Variants in MACROD2 observed in about 807,000 individuals in gnomAD.
The protein encoded by MACROD2 is mono-ADP ribosylhydrolase 2.
In MACROD2, 36 loss-of-function variants were observed where a neutral mutation model predicts 70.4. The observed-to-expected ratio is 0.51, with a 90% CI of 0.39 to 0.68. The LOEUF is 0.68. Among genes scored for constraint, MACROD2 ranks in the 30% least tolerant of loss-of-function variants. The pLI, the probability that MACROD2 is intolerant of heterozygous loss-of-function variation, is 0.00. For synonymous variants in MACROD2, 172 were observed against 178.8 expected (o/e 0.96, Z 0.30); for missense variants, 496 against 538.4 (o/e 0.92, Z 0.78).
At chr20:15,939,797 A>G (rs897901699) in intron 12 of MACROD2, among the ~76,000 whole-genome samples, 1 of 152,190 alleles carries the variant, frequency 6.6e-6, no homozygotes, top group Admixed American at 6.5e-5. Flanking sequence ...AGATGACATT[A>G]AGAATATTCC....
intron 5 of MACROD2, among the ~76,000 whole-genome samples, chr20:15,040,701 T>C (rs1227373614): frequency 6.6e-6 from 1 of 152,234 alleles, no homozygotes. Flanking sequence ...TATCGGAACA[T>C]TGTTCAGCAG....
At chr20:14,165,290 T>C (rs1601300558) in intron 3 of MACROD2, among the ~76,000 whole-genome samples, 1 of 152,134 alleles carries the variant, frequency 6.6e-6, no homozygotes, top group Non-Finnish European at 1.5e-5. Flanking sequence ...ATGACTAGGA[T>C]TGCAGGAGTT....
chr20:14,473,208 A>T (rs2084550516), intron 3 of MACROD2, among the ~76,000 whole-genome samples: 1 of 152,104 alleles, frequency 6.6e-6, no homozygotes, highest in Non-Finnish European at 1.5e-5. Flanking sequence ...ATTTATTGTT[A>T]ACTACAGTCA....
chr20:14,495,700 C>T (rs2084845677), intron 4 of MACROD2, among the ~76,000 whole-genome samples: 2 of 152,116 alleles, frequency 1.3e-5, no homozygotes, highest in South Asian at 4.1e-4. Context: ...TATGATTCCT[C>T]TCTTCTCTGT....
intron 5 of MACROD2, among the ~76,000 whole-genome samples, chr20:15,206,664 A>G (rs1195079954): frequency 2.0e-5 from 3 of 149,668 alleles, no homozygotes; most frequent in Non-Finnish European, 3.0e-5. Context: ...ATGGAACCAT[A>G]CACAATGTAC....
At chr20:15,126,438 T>C (rs2076067597) in intron 5 of MACROD2, among the ~76,000 whole-genome samples, 1 of 151,948 alleles carries the variant, frequency 6.6e-6, no homozygotes, top group African/African-American at 2.4e-5. Flanking sequence ...TGAACAACTT[T>C]TTAATAAATC....
chr20:15,198,765 C>T (rs977647733), intron 5 of MACROD2, among the ~76,000 whole-genome samples: 1 of 152,104 alleles, frequency 6.6e-6, no homozygotes, highest in Admixed American at 6.5e-5. Context: ...TTTACATTTA[C>T]AAAGTTATTT....
rs1449175178 is a variant in MACROD2, at chr20:15,777,654, C to CTCTTTT, written c.646-85090_646-85089insCTTTTT. ...CCTTCCTTCCTCTCTCTCTCTCTCT[C>CTCTTTT]TTTCTTTCGAGACAGAGTCTCACTC... On this transcript the variant is annotated intron_variant, in intron 8 of 17. Coordinates refer to ENST00000684519, the MANE Select transcript of MACROD2 (RefSeq NM_001351661.2). Among the ~76,000 whole-genome samples, 3 of 144,392 alleles carry CTCTTTT rather than the reference C, an allele frequency of 2.1e-5. No individual in the cohort carries two copies. The East Asian group carries it at 6.7e-4, about 32-fold the overall frequency. 94.7% of individuals were successfully genotyped at this position (144,392 alleles called of 152,430 possible).
chr20:14,826,716 G>A (rs771991366), intron 5 of MACROD2, among the ~76,000 whole-genome samples: 1 of 152,212 alleles, frequency 6.6e-6, no homozygotes, highest in Non-Finnish European at 1.5e-5. Context: ...AATAAGCCGA[G>A]CATCCTGATT....
chr20:14,911,391 T>C (rs976721405), intron 5 of MACROD2, among the ~76,000 whole-genome samples: 2 of 152,058 alleles, frequency 1.3e-5, no homozygotes, highest in Non-Finnish European at 2.9e-5. Context: ...TTTTTCCCCC[T>C]TCTAGAGATA....
intron 4 of MACROD2, among the ~76,000 whole-genome samples, chr20:14,665,301 G>T (rs1812660650): frequency 6.6e-6 from 1 of 152,058 alleles, no homozygotes; most frequent in East Asian, 1.9e-4. Flanking sequence ...CAAGAGTTAG[G>T]GGGGTATTGC....
chr20:14,657,235 G>A (rs1441578973), intron 4 of MACROD2, among the ~76,000 whole-genome samples: 1 of 152,208 alleles, frequency 6.6e-6, no homozygotes, highest in Non-Finnish European at 1.5e-5. Context: ...CTCATTCAAT[G>A]ATTCCAGTTA....
chr20:15,387,373 CCCTCTCTTCCTA>C (rs1289220780), intron 6 of MACROD2, among the ~76,000 whole-genome samples: 4 of 62,302 alleles, frequency 6.4e-5, no homozygotes, highest in South Asian at 6.5e-4. Flanking sequence ...TCCCTTTCTT[CCCTCTCTTCCTA>C]CCTCTCTGCA....
intron 3 of MACROD2, among the ~76,000 whole-genome samples, chr20:14,437,339 A>G (rs2084067858): frequency 6.6e-6 from 1 of 152,172 alleles, no homozygotes; most frequent in Non-Finnish European, 1.5e-5. Flanking sequence ...TCACACCTGT[A>G]ATCCCAGCAC....
chr20:15,797,169 A>G (rs1302610888), intron 8 of MACROD2, among the ~76,000 whole-genome samples: 3 of 152,112 alleles, frequency 2.0e-5, no homozygotes, highest in Non-Finnish European at 4.4e-5. Context: ...GCTGGAGTGC[A>G]GTGGCGTGAT....
intron 3 of MACROD2, among the ~76,000 whole-genome samples, chr20:14,491,562 T>C (rs1468153612): frequency 6.6e-6 from 1 of 152,204 alleles, no homozygotes; most frequent in African/African-American, 2.4e-5. Flanking sequence ...ATAAACTAAC[T>C]TGATGATTGG....
At chr20:14,506,891 C>T (rs141493818) in intron 4 of MACROD2, among the ~76,000 whole-genome samples, 3,218 of 152,222 alleles carry the variant, frequency 0.021, 124 homozygotes, top group African/African-American at 0.073. Context: ...GCGGAGGTTG[C>T]AGTGAGCTGA....
intron 3 of MACROD2, among the ~76,000 whole-genome samples, chr20:14,320,199 C>T (rs116155350): frequency 0.015 from 2,283 of 152,274 alleles, 53 homozygotes; most frequent in African/African-American, 0.052. Context: ...GCCTCACCAA[C>T]ATTCTACTTA....
intron 5 of MACROD2, among the ~76,000 whole-genome samples, chr20:15,113,056 A>G (rs901902698): frequency 4.0e-5 from 6 of 151,614 alleles, no homozygotes; most frequent in Admixed American, 2.0e-4. Context: ...CCTTCTGGCT[A>G]TTGCCAGTGT....
Sources: gnomAD v4.1 joint callset for allele counts (sites outside exome capture counted in the v4.1 genomes callset) on GRCh38, gnomAD v4.1.1 for gene constraint, MANE v1.5 for transcripts, NCBI Gene and HGNC (gene_info 2026-07-23, HGNC 2026-07-21) for gene names.